Variants in ANKRD45 observed in about 807,000 individuals in gnomAD.
The protein encoded by ANKRD45 is ankyrin repeat domain-containing protein 45.
In ANKRD45, 21 loss-of-function variants were observed where a neutral mutation model predicts 28.1. That is an observed-to-expected ratio of 0.75 (90% CI 0.53 to 1.08). The LOEUF is 1.08. Among genes scored for constraint, ANKRD45 ranks in the 50% least tolerant of loss-of-function variants. The pLI is 0.00. For missense variants in ANKRD45, 261 were observed against 308.7 expected, an observed-to-expected ratio of 0.85 and a Z score of 1.16; for synonymous variants, 86 against 103.9, an observed-to-expected ratio of 0.83 and a Z score of 1.05.
chr1:173,678,649 G>A, the ANKRD45 span, among the ~76,000 whole-genome samples: 7 of 152,066 alleles, frequency 4.6e-5, no homozygotes, highest in Non-Finnish European at 8.8e-5. Flanking sequence ...TTTGAAAACT[G>A]GTGCAAGACA....
intron 3 of ANKRD45, among the ~76,000 whole-genome samples, chr1:173,636,387 C>G (rs999399149): frequency 1.3e-5 from 2 of 152,148 alleles, no homozygotes; most frequent in South Asian, 2.1e-4. Context: ...GTTTGAGAGG[C>G]AACCTTAAAA....
chr1:173,711,429 A>C, the ANKRD45 span, among the ~76,000 whole-genome samples: 2 of 152,348 alleles, frequency 1.3e-5, no homozygotes, highest in South Asian at 4.1e-4. Context: ...AGCAGGGAGA[A>C]GGCTTCCAGG....
chr1:173,650,717 G>A, intron 2 of ANKRD45, among the ~76,000 whole-genome samples: 1 of 152,188 alleles, frequency 6.6e-6, no homozygotes, highest in African/African-American at 2.4e-5. Flanking sequence ...CACCAACAGT[G>A]TAAAAGCATT....
intron 5 of ANKRD45, among the ~76,000 whole-genome samples, chr1:173,612,265 A>C (rs1667188082): frequency 6.7e-6 from 1 of 148,588 alleles, no homozygotes; most frequent in Non-Finnish European, 1.5e-5. Flanking sequence ...AAAGAAAAGA[A>C]AGAGAGAGAG....
chr1:173,676,951 A>G, the ANKRD45 span, among the ~76,000 whole-genome samples: 1 of 152,050 alleles, frequency 6.6e-6, no homozygotes, highest in East Asian at 1.9e-4. Context: ...ATGTTTGACA[A>G]TGCTTCCTAT....
At chr1:173,686,111 T>C in the ANKRD45 span, among the ~76,000 whole-genome samples, 1 of 152,120 alleles carries the variant, frequency 6.6e-6, no homozygotes, top group Non-Finnish European at 1.5e-5. Flanking sequence ...AATTCACTAA[T>C]GTCCAGCCTG....
At chr1:173,702,578 A>C in the ANKRD45 span, among the ~76,000 whole-genome samples, 1 of 152,136 alleles carries the variant, frequency 6.6e-6, no homozygotes, top group Non-Finnish European at 1.5e-5. Context: ...ATGTGGCAAC[A>C]TAGAAGCCAA....
chr1:173,624,729 C>A, intron 5 of ANKRD45, 58 bp downstream of exon 5: 1 of 1,525,660 alleles, frequency 6.6e-7, no homozygotes, highest in South Asian at 1.2e-5. Flanking sequence ...AAAATAACAA[C>A]ATTGAACTTA....
intron 3 of ANKRD45, among the ~76,000 whole-genome samples, chr1:173,636,529 C>T (rs1169190843): frequency 6.6e-6 from 1 of 152,106 alleles, no homozygotes; most frequent in African/African-American, 2.4e-5. Context: ...TAAACGAATA[C>T]ATTTTGCTAA....
At chr1:173,700,663 A>C in the ANKRD45 span, among the ~76,000 whole-genome samples, 2 of 152,196 alleles carry the variant, frequency 1.3e-5, no homozygotes, top group Non-Finnish European at 2.9e-5. Flanking sequence ...CCTTATACAA[A>C]AATTAATTCA....
At chr1:173,688,336 CTT>C in the ANKRD45 span, among the ~76,000 whole-genome samples, 24,982 of 151,104 alleles carry the variant, frequency 0.17, 2,293 homozygotes, top group Middle Eastern at 0.32. Context: ...CTGACTCCCT[CTT>C]TCTCTCTCTG....
the ANKRD45 span, among the ~76,000 whole-genome samples, chr1:173,681,161 A>G: frequency 4.5e-4 from 68 of 152,290 alleles, no homozygotes; most frequent in African/African-American, 1.5e-3. Context: ...ATGTGATAAA[A>G]GTTGAACTTT....
intron 1 of ANKRD45, chr1:173,667,730 A>G: frequency 2.3e-6 from 1 of 436,750 alleles, no homozygotes. Context: ...AAGAAAAAGA[A>G]ACTACCACTT....
At chr1:173,661,414 A>C (rs564013550) in intron 1 of ANKRD45, among the ~76,000 whole-genome samples, 1 of 152,312 alleles carries the variant, frequency 6.6e-6, no homozygotes, top group East Asian at 1.9e-4. Flanking sequence ...CAATTTGGTT[A>C]AGTATAGGCC....
At chr1:173,699,859 T>C in the ANKRD45 span, among the ~76,000 whole-genome samples, 1 of 152,092 alleles carries the variant, frequency 6.6e-6, no homozygotes, top group Non-Finnish European at 1.5e-5. Flanking sequence ...GGTATTCAAT[T>C]AGGAAAAGAG....
chr1:173,652,121 T>C (rs1669254890), intron 2 of ANKRD45, among the ~76,000 whole-genome samples: 1 of 152,078 alleles, frequency 6.6e-6, no homozygotes, highest in Non-Finnish European at 1.5e-5. Context: ...GGCCAGAACT[T>C]CCAACACTAT....
At chr1:173,644,675 G>A (rs1286634462) in intron 3 of ANKRD45, among the ~76,000 whole-genome samples, 1 of 152,018 alleles carries the variant, frequency 6.6e-6, no homozygotes, top group East Asian at 1.9e-4. Flanking sequence ...AGTACTATGG[G>A]TCATTTTTCA....
the ANKRD45 span, among the ~76,000 whole-genome samples, chr1:173,712,385 T>C: frequency 6.6e-6 from 1 of 152,234 alleles, no homozygotes; most frequent in African/African-American, 2.4e-5. Flanking sequence ...ACTAGCTGTG[T>C]GACTTTGGGC....
intron 3 of ANKRD45, among the ~76,000 whole-genome samples, chr1:173,638,071 TTGG>T (rs1394686410): frequency 2.7e-5 from 4 of 150,482 alleles, no homozygotes; most frequent in Admixed American, 6.6e-5. Flanking sequence ...AAGTATTTCC[TTGG>T]TGGTCAGCTT....
Sources: gnomAD v4.1 joint callset for allele counts (sites outside exome capture counted in the v4.1 genomes callset) on GRCh38, gnomAD v4.1.1 for gene constraint, MANE v1.5 for transcripts, NCBI Gene and HGNC (gene_info 2026-07-23, HGNC 2026-07-21) for gene names.